The following CD163L1 variants were observed in gnomAD, a reference collection of about 807,000 sequenced individuals.
The protein encoded by CD163L1 is scavenger receptor cysteine-rich type 1 protein M160.
In CD163L1, 124 loss-of-function variants were observed where a neutral mutation model predicts 165.4. The observed-to-expected ratio is 0.75, with a 90% CI of 0.65 to 0.87. The LOEUF (loss-of-function observed/expected upper bound fraction) is 0.87. Among genes scored for constraint, CD163L1 ranks in the 40% least tolerant of loss-of-function variants. CD163L1 has a pLI of 0.00. For missense variants in CD163L1, 1,525 were observed against 1,799.9 expected, an observed-to-expected ratio of 0.85 and a Z score of 2.76; for synonymous variants, 585 against 662.2, an observed-to-expected ratio of 0.88 and a Z score of 1.79.
At chr12:7,343,318 A>G (rs1342696246), downstream of CD163L1, among the ~76,000 whole-genome samples, 4 of 152,242 alleles carry the variant, frequency 2.6e-5, no homozygotes, top group African/African-American at 9.6e-5. Flanking sequence ...ACTGTCTCAT[A>G]ATTATAACAA....
chr12:7,338,942 T>G, the CD163L1 span, among the ~76,000 whole-genome samples: 1 of 152,180 alleles, frequency 6.6e-6, no homozygotes, highest in Non-Finnish European at 1.5e-5. Flanking sequence ...GTGTTTGCTG[T>G]GCTTTTTGTA....
At chr12:7,394,196 A>T (rs944403026) in intron 8 of CD163L1, among the ~76,000 whole-genome samples, 10 of 152,308 alleles carry the variant, frequency 6.6e-5, no homozygotes, top group African/African-American at 2.2e-4. Flanking sequence ...TTCAAACTAT[A>T]CTACAAGGCT....
At chr12:7,335,023 T>G in the CD163L1 span, among the ~76,000 whole-genome samples, 392 of 152,286 alleles carry the variant, frequency 2.6e-3, 3 homozygotes, top group African/African-American at 8.4e-3. Flanking sequence ...CATTCCATGC[T>G]CATGGGTAGG....
At chr12:7,379,995 G>A (rs1349664315) in intron 8 of CD163L1, among the ~76,000 whole-genome samples, 1 of 151,842 alleles carries the variant, frequency 6.6e-6, no homozygotes, top group Non-Finnish European at 1.5e-5. Flanking sequence ...AAAGAATAGA[G>A]TTTTCATGGA....
At chr12:7,440,081 C>G (rs923881575) in intron 2 of CD163L1, 2 of 1,002,868 alleles carry the variant, frequency 2.0e-6, no homozygotes, top group Admixed American at 4.1e-5. Flanking sequence ...TCCACATCAG[C>G]GGCGTAACGG....
chr12:7,374,455 C>CTGAG lies in CD163L1; in HGVS notation c.3395_3396insCTCA (p.Val1133SerfsTer15). 6.2e-7 allele frequency: 1 copy of CTGAG among 1,612,110 alleles called. No individual in the cohort carries two copies. The highest frequency in any genetic ancestry group is 2.2e-5 in the East Asian group (1 of 44,874). On this transcript the variant is annotated frameshift_variant, in exon 13 of 20. Transcript: ENST00000313599. LOFTEE classifies it high-confidence loss of function. This position sits in a 1 kb window ranked among gnomAD's most constrained non-coding sequence, Gnocchi z 5.4. Reference sequence around the variant, plus strand: ...AGCAGCACAGACCTGAGCAGATGACCCCTGCGTCCTCCTTGTGCCTGCAGT... The same window carrying CTGAG: ...AGCAGCACAGACCTGAGCAGATGACCTGAGCCTGCGTCCTCCTTGTGCCTGCAGT...
At chr12:7,344,905 C>A (rs1946658863), downstream of CD163L1, among the ~76,000 whole-genome samples, 1 of 152,220 alleles carries the variant, frequency 6.6e-6, no homozygotes, top group South Asian at 2.1e-4. Context: ...GGAGCAGTGT[C>A]CCCAGGCTGC....
At chr12:7,367,379 C>A in intron 17 of CD163L1, 48 bp from the exon 18 acceptor site, 1 of 1,241,622 alleles carries the variant, frequency 8.1e-7, no homozygotes, top group Non-Finnish European at 1.2e-6. Flanking sequence ...AATGGCCTAT[C>A]CCTTATATTA....
rs1947059546 is a variant in CD163L1 at position 7,368,095 on chromosome 12, G to A, written c.4175C>T (p.Pro1392Leu). Residue 1392 changes from proline (P) to leucine (L), a missense_variant, in exon 17 of 20, where the codon CCC becomes CTC. By Grantham distance (98) the Pro-to-Leu change is moderately conservative (BLOSUM62 -3). Coordinates refer to ENST00000313599, the MANE Select transcript of CD163L1 (RefSeq NM_174941.6). This position sits in a 1 kb window ranked among gnomAD's most constrained non-coding sequence, Gnocchi z 4.3. ...WCRVQKQKHL[P>L]LRVSTRRRGS... ...CCTAGTGGGGCTCTCACCTCTGAGG[G>A]GCAGATGTTTTTGTTTCTGAACTCG... The A allele has an allele frequency of 1.3e-6, 2 of 1,592,858 alleles. No individual in the cohort carries two copies. Among genetic ancestry groups the A allele is most frequent in the African/African-American group, 1.3e-5 (1 of 74,488 alleles).
chr12:7,378,205 A>G (rs748952708), intron 9 of CD163L1, among the ~76,000 whole-genome samples: 1 of 152,286 alleles, frequency 6.6e-6, no homozygotes, highest in East Asian at 1.9e-4. Context: ...CAGCTACTAA[A>G]TATTTCTGAA....
chr12:7,363,743 C>T (rs1183912442), intron 18 of CD163L1, among the ~76,000 whole-genome samples: 1 of 147,350 alleles, frequency 6.8e-6, no homozygotes, highest in African/African-American at 2.5e-5. Flanking sequence ...TAGAAAAGTT[C>T]AACAAATCAA....
chr12:7,413,203 C>G (rs766322983), intron 4 of CD163L1, among the ~76,000 whole-genome samples: 1 of 151,578 alleles, frequency 6.6e-6, no homozygotes, highest in East Asian at 1.9e-4. Context: ...CCCTGTATCA[C>G]TCTTCTAAGT....
rs1003307164 is a variant in CD163L1, at chr12:7,368,880, C to T, written c.4072+53G>A. 15 of 1,596,692 alleles carry T rather than the reference C, an allele frequency of 9.4e-6. No individual in the cohort carries two copies. The highest frequency in any genetic ancestry group is 1.3e-5 in the Non-Finnish European group (15 of 1,164,780). On this transcript the variant is annotated intron_variant, in intron 16 of 19. Transcript: ENST00000313599. The surrounding 1 kb of genome is among the most constrained non-coding windows in gnomAD (Gnocchi z 4.3). ...ATAGCAGTTTCTGCCCTCCCTTGAC[C>T]TTCCATGTAGCCTTAGGTATTTGTG...
intron 7 of CD163L1, among the ~76,000 whole-genome samples, chr12:7,397,110 A>G (rs1277765819): frequency 6.6e-6 from 1 of 152,180 alleles, no homozygotes; most frequent in Non-Finnish European, 1.5e-5. Context: ...TGATGTGGCA[A>G]TAGATATATA....
At chr12:7,344,807 C>G (rs1591858331), downstream of CD163L1, among the ~76,000 whole-genome samples, 1 of 152,234 alleles carries the variant, frequency 6.6e-6, no homozygotes, top group East Asian at 1.9e-4. Flanking sequence ...TGGAAGGCAC[C>G]AAGGCAAATG....
At chr12:7,385,047 A>G (rs1947487996) in intron 8 of CD163L1, among the ~76,000 whole-genome samples, 1 of 152,078 alleles carries the variant, frequency 6.6e-6, no homozygotes, top group Non-Finnish European at 1.5e-5. Flanking sequence ...CTTAAAAGAT[A>G]TAGATTGGCT....
chr12:7,323,125 C>T, the CD163L1 span: 1 of 985,456 alleles, frequency 1.0e-6, no homozygotes, highest in East Asian at 2.6e-5. Flanking sequence ...AGAAGGTGCG[C>T]CTGCATACCA....
chr12:7,406,844 C>G lies in CD163L1; in HGVS notation c.775G>C (p.Asp259His). The stretch of plus-strand genomic sequence containing the variant: ...CCACCTACAAGCCTTAGTTCAAGAT[C>G]ACTACTATCTGAAACAGAGATATAA... ...DVTLTCYDSSDLELRLVGGTN... is the reference protein window; with the variant it reads ...DVTLTCYDSSHLELRLVGGTN... Residue 259 changes from aspartate (D) to histidine (H), a missense_variant, in exon 5 of 20, where the codon GAT becomes CAT. Transcript: ENST00000313599. 6.2e-7 allele frequency: 1 copy of G among 1,613,886 alleles called. No homozygotes were observed.
At chr12:7,426,700 G>A (rs201024164) in intron 4 of CD163L1, among the ~76,000 whole-genome samples, 1 of 152,032 alleles carries the variant, frequency 6.6e-6, no homozygotes, top group Non-Finnish European at 1.5e-5. Flanking sequence ...TAACAAACTT[G>A]CATGTTCTGT....
Sources: gnomAD v4.1 joint callset for allele counts (sites outside exome capture counted in the v4.1 genomes callset) on GRCh38, gnomAD v4.1.1 for gene constraint, Gnocchi (gnomAD v3.1) non-coding constraint, MANE v1.5 for transcripts, NCBI Gene and HGNC (gene_info 2026-07-23, HGNC 2026-07-21) for gene names.